The following MATN2 variants were observed in gnomAD, a reference collection of about 807,000 sequenced individuals.
MATN2 encodes the protein matrilin 2.
MATN2 carries 69 observed loss-of-function variants against 103.2 expected under a neutral mutation model. That is an observed-to-expected ratio of 0.67 (90% CI 0.55 to 0.82). The LOEUF is 0.82. MATN2 is among the 40% of genes least tolerant of loss of function. The pLI is 0.00. For synonymous variants in MATN2, 429 were observed against 450.2 expected, an observed-to-expected ratio of 0.95 and a Z score of 0.60; for missense variants, 1,023 against 1,211.5, an observed-to-expected ratio of 0.84 and a Z score of 2.31.
In MATN2 at chr8:97,885,621, G is replaced by C. The variant is rs1818395484; in HGVS notation, c.-26-2454G>C. Among the ~76,000 whole-genome samples, 3 of 151,756 alleles carry C rather than the reference G, an allele frequency of 2.0e-5. No individual in the cohort carries two copies. In the South Asian group the frequency reaches 6.3e-4, roughly 32 times the overall value. On this transcript the variant is annotated intron_variant, in intron 1 of 18. Coordinates refer to ENST00000254898, the MANE Select transcript of MATN2 (RefSeq NM_002380.5). ...ATCTCAGAGTTAAAGCTATGAAAAG[G>C]GATCAATCTAATTAGTAAAGAGTTT... is the stretch of plus-strand genomic sequence containing the variant.
At chr8:97,942,428 T>C (rs1810600410) in intron 4 of MATN2, among the ~76,000 whole-genome samples, 1 of 152,206 alleles carries the variant, frequency 6.6e-6, no homozygotes, top group Non-Finnish European at 1.5e-5. Flanking sequence ...TGTAAGATAT[T>C]AGAACTCGCA....
rs1810207907 is a variant in MATN2 at position 97,931,816 on chromosome 8, C to T, written c.712+294C>T. On this transcript the variant is annotated intron_variant, in intron 3 of 18. Transcript: ENST00000254898. The surrounding 1 kb of genome is among the most constrained non-coding windows in gnomAD (Gnocchi z 4.1). ...CTCCTGGGCTTAGGTGATCCTCTTG[C>T]CTTAGCCTCATGAGTAGCTGGGACT... Among the ~76,000 whole-genome samples, 1 of 152,130 alleles carries T rather than the reference C, an allele frequency of 6.6e-6. No individual in the cohort carries two copies. The highest frequency in any genetic ancestry group is 2.4e-5 in the African/African-American group (1 of 41,426).
chr8:98,015,936 A>G (rs1427013977), intron 10 of MATN2, among the ~76,000 whole-genome samples: 1 of 152,250 alleles, frequency 6.6e-6, no homozygotes, highest in Non-Finnish European at 1.5e-5. Flanking sequence ...ATACATACAT[A>G]CATAAGTAGA....
intron 4 of MATN2, among the ~76,000 whole-genome samples, chr8:97,942,291 A>G (rs1197580932): frequency 6.6e-6 from 1 of 152,242 alleles, no homozygotes; most frequent in Admixed American, 6.5e-5. Flanking sequence ...GTGTGGATTT[A>G]GGAAGAGTTG....
At chr8:97,992,928 C>CAATAATAAT (rs58706549) in intron 6 of MATN2, among the ~76,000 whole-genome samples, 3,517 of 144,540 alleles carry the variant, frequency 0.024, 65 homozygotes, top group Middle Eastern at 0.074. Context: ...TCAAAACAAA[C>CAATAATAAT]AATAATAATA....
chr8:97,971,979 TGAGCTCAG>T (rs941772472), intron 5 of MATN2, among the ~76,000 whole-genome samples: 3 of 151,682 alleles, frequency 2.0e-5, no homozygotes, highest in African/African-American at 7.3e-5. Flanking sequence ...GCAGATCTCT[TGAGCTCAG>T]GAGTTCGAGA....
chr8:97,925,762 T>C (rs1250485541), intron 2 of MATN2, among the ~76,000 whole-genome samples: 2 of 152,226 alleles, frequency 1.3e-5, no homozygotes, highest in Non-Finnish European at 1.5e-5. Flanking sequence ...CATGGGATCA[T>C]AGGACTCTAA....
At chr8:97,937,319 G>A (rs1202836690) in intron 3 of MATN2, among the ~76,000 whole-genome samples, 2 of 152,142 alleles carry the variant, frequency 1.3e-5, no homozygotes, top group African/African-American at 4.8e-5. Flanking sequence ...GGTCCCTAGA[G>A]GCTGTCCATG....
intron 6 of MATN2, among the ~76,000 whole-genome samples, chr8:97,984,488 G>A (rs1312443248): frequency 6.6e-6 from 1 of 152,184 alleles, no homozygotes; most frequent in East Asian, 1.9e-4. Flanking sequence ...TGTGCTCAAT[G>A]AATGATTGGT....
intron 2 of MATN2, among the ~76,000 whole-genome samples, chr8:97,892,162 G>A (rs888141724): frequency 6.6e-6 from 1 of 150,496 alleles, no homozygotes; most frequent in Non-Finnish European, 1.5e-5. Flanking sequence ...ACTTGAACCC[G>A]GGAGGCGGAG....
At chr8:97,954,161 G>A (rs1212827665) in intron 4 of MATN2, among the ~76,000 whole-genome samples, 1 of 152,040 alleles carries the variant, frequency 6.6e-6, no homozygotes, top group Non-Finnish European at 1.5e-5. Flanking sequence ...CTTTTCACCT[G>A]CCTGCCTCAC....
At chr8:97,899,287 T>C (rs1189931126) in intron 2 of MATN2, among the ~76,000 whole-genome samples, 1 of 152,214 alleles carries the variant, frequency 6.6e-6, no homozygotes, top group East Asian at 1.9e-4. Context: ...CTGAGCAAGG[T>C]GCCTGGTACA....
At chr8:97,880,357 A>C (rs1485504718) in intron 1 of MATN2, among the ~76,000 whole-genome samples, 2 of 152,168 alleles carry the variant, frequency 1.3e-5, no homozygotes, top group Non-Finnish European at 2.9e-5. Context: ...CCCCCTGAGA[A>C]AGAGAAAGAG....
At chr8:97,980,059 G>A (rs1811966455) in intron 6 of MATN2, among the ~76,000 whole-genome samples, 1 of 152,180 alleles carries the variant, frequency 6.6e-6, no homozygotes, top group Non-Finnish European at 1.5e-5. Context: ...ATAGAAATGA[G>A]TACGGCAAGG....
Position 97,961,404 on chromosome 8 carries a change from T to G in MATN2, c.836-4T>G. The G allele has an allele frequency of 6.2e-7, 1 of 1,609,386 alleles. No individual in the cohort carries two copies. Among genetic ancestry groups the G allele is most frequent in the Non-Finnish European group, 8.5e-7 (1 of 1,177,594 alleles). On this transcript the variant is annotated splice_polypyrimidine_tract_variant and splice_region_variant and intron_variant, in intron 4 of 18. Coordinates refer to ENST00000254898, the MANE Select transcript of MATN2 (RefSeq NM_002380.5). ...TGTGTTCTAACATCGTGACTTTGCC[T>G]CAGTCCAGGATCTGTGTGCCATGGA...
chr8:98,014,626 A>T (rs1412866221), intron 10 of MATN2, among the ~76,000 whole-genome samples: 1 of 152,230 alleles, frequency 6.6e-6, no homozygotes, highest in African/African-American at 2.4e-5. Flanking sequence ...GTATAGTCAG[A>T]AAATACGGGG....
Position 98,027,792 on chromosome 8 carries a change from T to C in MATN2, c.2319T>C (p.Asp773=). ...TGTTCACCGACGGACGGGCTCAGGA[T>C]GACGTCTCCGAGTGGGCCAGTAAAG... is the stretch of plus-strand genomic sequence containing the variant. ...AIVFTDGRAQ[D]DVSEWASKAK... The change falls in exon 14 of 19, where the codon GAT becomes GAC. Residue 773 remains aspartate (D), a synonymous_variant. Coordinates refer to ENST00000254898, the MANE Select transcript of MATN2 (RefSeq NM_002380.5). 1 of 1,595,446 alleles carries C rather than the reference T, an allele frequency of 6.3e-7. No homozygotes were observed.
In MATN2 at chr8:97,977,692, G is replaced by A. The variant is rs1052333484; in HGVS notation, c.959-1194G>A. Among the ~76,000 whole-genome samples the A allele has an allele frequency of 1.3e-5, 2 of 152,044 alleles. 1 individual carries two copies. The highest frequency in any genetic ancestry group is 4.1e-4 in the South Asian group (2 of 4,826). On this transcript the variant is annotated intron_variant, in intron 5 of 18. Transcript: ENST00000254898. ...CCAACTCATTCAGACTAAAAGCTGA[G>A]GTCCTTGCATGGCCCATGGGTCCCT...
chr8:97,991,721 C>CA (rs140017044), intron 6 of MATN2, among the ~76,000 whole-genome samples: 2,298 of 138,124 alleles, frequency 0.017, 50 homozygotes, highest in African/African-American at 0.05. Flanking sequence ...GACTCTATCT[C>CA]AAAAAAAAAA....
Sources: gnomAD v4.1 joint callset for allele counts (sites outside exome capture counted in the v4.1 genomes callset) on GRCh38, gnomAD v4.1.1 for gene constraint, Gnocchi (gnomAD v3.1) non-coding constraint, MANE v1.5 for transcripts, NCBI Gene and HGNC (gene_info 2026-07-23, HGNC 2026-07-21) for gene names.